Variants in GRK5 observed in about 807,000 individuals in gnomAD.
GRK5 encodes the protein G protein-coupled receptor kinase 5.
GRK5 carries 40 observed loss-of-function variants against 78.4 expected under a neutral mutation model. The ratio of observed to expected loss-of-function variants is 0.51; its 90% CI spans 0.40 to 0.66. GRK5 has a LOEUF of 0.66. Among genes scored for constraint, GRK5 ranks in the 30% least tolerant of loss-of-function variants. The pLI, the probability that GRK5 is intolerant of heterozygous loss-of-function variation, is 0.00. For missense variants in GRK5, 598 were observed against 759.9 expected (o/e 0.79, Z 2.50); for synonymous variants, 289 against 296.8 (o/e 0.97, Z 0.27).
chr10:119,257,059 G>A (rs1291216485), intron 1 of GRK5, among the ~76,000 whole-genome samples: 1 of 152,252 alleles, frequency 6.6e-6, no homozygotes, highest in African/African-American at 2.4e-5. Flanking sequence ...GCCTGCATCA[G>A]TGATTCATTA....
chr10:119,305,908 G>T (rs558096442), intron 1 of GRK5, among the ~76,000 whole-genome samples: 1 of 152,158 alleles, frequency 6.6e-6, no homozygotes, highest in Non-Finnish European at 1.5e-5. Context: ...ATATGCAAAG[G>T]CCCTGAGGCA....
chr10:119,262,378 G>T (rs1849425705), intron 1 of GRK5, among the ~76,000 whole-genome samples: 1 of 110,160 alleles, frequency 9.1e-6, no homozygotes, highest in South Asian at 3.3e-4. Context: ...TCCCTCTGTT[G>T]CCCAGGCTGG....
At chr10:119,387,437 G>A (rs1851819592) in intron 3 of GRK5, among the ~76,000 whole-genome samples, 1 of 152,200 alleles carries the variant, frequency 6.6e-6, no homozygotes, top group Non-Finnish European at 1.5e-5. Flanking sequence ...GGGGAGTTTG[G>A]CCTTTGGTGT....
chr10:119,212,002 T>C (rs1848495325), intron 1 of GRK5, among the ~76,000 whole-genome samples: 1 of 152,198 alleles, frequency 6.6e-6, no homozygotes, highest in Non-Finnish European at 1.5e-5. Context: ...TGTGAAGGCA[T>C]ACGTGGAGGC....
chr10:119,290,462 A>G (rs1589724576), intron 1 of GRK5, among the ~76,000 whole-genome samples: 1 of 151,822 alleles, frequency 6.6e-6, no homozygotes, highest in Admixed American at 6.6e-5. Context: ...GACTTTTGCA[A>G]TAGCCCCTAA....
chr10:119,425,587 A>G (rs1852662677), intron 6 of GRK5, among the ~76,000 whole-genome samples: 1 of 152,234 alleles, frequency 6.6e-6, no homozygotes, highest in Non-Finnish European at 1.5e-5. Flanking sequence ...TTAAACCGTG[A>G]GTGCTGTTAA....
chr10:119,260,891 A>G (rs2133653069), intron 1 of GRK5, among the ~76,000 whole-genome samples: 1 of 152,190 alleles, frequency 6.6e-6, no homozygotes, highest in South Asian at 2.1e-4. Context: ...CGCCATTGTC[A>G]TCATGGCCCG....
rs564818093 is a variant in GRK5 at position 119,417,106 on chromosome 10, C to A, written c.340-6060C>A. The stretch of plus-strand genomic sequence containing the variant: ...CTGCTTCATGGGCCTTGGCTGAATG[C>A]GTGGAGGCAGAACTGGGGTTGGGCT... On this transcript the variant is annotated intron_variant, in intron 4 of 15. Coordinates refer to ENST00000392870, the MANE Select transcript of GRK5 (RefSeq NM_005308.3). 1.3e-4 allele frequency among the ~76,000 whole-genome samples: 20 copies of A among 152,338 alleles called. 1 individual carries two copies. The East Asian group carries it at 3.9e-3, about 29-fold the overall frequency.
At chr10:119,258,844 C>T (rs1187607411) in intron 1 of GRK5, among the ~76,000 whole-genome samples, 1 of 152,136 alleles carries the variant, frequency 6.6e-6, no homozygotes, top group Non-Finnish European at 1.5e-5. Flanking sequence ...AGAATCCATC[C>T]CCTGTCAGTT....
chr10:119,283,251 CA>C (rs1333754989), intron 1 of GRK5, among the ~76,000 whole-genome samples: 1 of 152,006 alleles, frequency 6.6e-6, no homozygotes, highest in Non-Finnish European at 1.5e-5. Flanking sequence ...AATATTAATT[CA>C]TAGTGTGCTC....
At chr10:119,233,644 C>T (rs1848868181) in intron 1 of GRK5, among the ~76,000 whole-genome samples, 1 of 152,048 alleles carries the variant, frequency 6.6e-6, no homozygotes, top group Non-Finnish European at 1.5e-5. Flanking sequence ...GTCAAAGGAT[C>T]CTGACTCATT....
chr10:119,273,248 A>G (rs1849614688), intron 1 of GRK5, among the ~76,000 whole-genome samples: 2 of 151,950 alleles, frequency 1.3e-5, no homozygotes. Context: ...TGATTTTGAG[A>G]TGTGTCCACT....
chr10:119,376,561 C>CT (rs3064490), intron 2 of GRK5, among the ~76,000 whole-genome samples: 8,119 of 104,272 alleles, frequency 0.078, 453 homozygotes, highest in East Asian at 0.24. Context: ...TCCCTAATGC[C>CT]TTTTTTTTTT....
chr10:119,262,892 A>G (rs969643108), intron 1 of GRK5, among the ~76,000 whole-genome samples: 3 of 152,252 alleles, frequency 2.0e-5, no homozygotes, highest in African/African-American at 7.2e-5. Context: ...ACATGCATCT[A>G]AAAATTATTC....
Position 119,452,839 on chromosome 10 carries a change from G to T in GRK5, c.1542+31G>T, listed in dbSNP as rs1199598164. 5 of 1,601,336 alleles carry T rather than the reference G, an allele frequency of 3.1e-6. No individual in the cohort carries two copies. In the South Asian group the frequency reaches 3.3e-5, roughly 11 times the overall value. ...CAGGGCAGACCACTTGCTTTGGTCT[G>T]GGTGGGAGGGAGGGACTGACGGGTG... On this transcript the variant is annotated intron_variant, in intron 14 of 15. Coordinates refer to ENST00000392870, the MANE Select transcript of GRK5 (RefSeq NM_005308.3). This position sits in a 1 kb window ranked among gnomAD's most constrained non-coding sequence, Gnocchi z 4.4.
Position 119,430,429 on chromosome 10 carries a change from C to T in GRK5, c.588C>T (p.Gly196=), listed in dbSNP as rs1852792386. The change falls in exon 7 of 16, where the codon GGC becomes GGT. Residue 196 remains glycine, a synonymous_variant. Transcript: ENST00000392870. The surrounding 1 kb of genome is among the most constrained non-coding windows in gnomAD (Gnocchi z 4.5). ...AGTATCGAGTGCTAGGAAAAGGGGG[C>T]TTCGGGGAGGTGAGTGAACATTCAC... The part of the protein sequence containing the change: ...FRQYRVLGKG[G]FGEVCACQVR... The T allele has an allele frequency of 6.2e-7, 1 of 1,611,538 alleles. No homozygotes were observed. Among genetic ancestry groups the T allele is most frequent in the Middle Eastern group, 1.7e-4 (1 of 6,044 alleles).
At chr10:119,301,361 A>G (rs1208449854) in intron 1 of GRK5, among the ~76,000 whole-genome samples, 1 of 152,086 alleles carries the variant, frequency 6.6e-6, no homozygotes, top group Admixed American at 6.5e-5. Flanking sequence ...TTCACTCACC[A>G]TTGTCTTTGA....
At chr10:119,234,647 T>A (rs1848888876) in intron 1 of GRK5, among the ~76,000 whole-genome samples, 1 of 151,996 alleles carries the variant, frequency 6.6e-6, no homozygotes, top group South Asian at 2.1e-4. Flanking sequence ...TTTCTATTCT[T>A]TTCTTTTCTC....
intron 11 of GRK5, 51 bp downstream of exon 11, chr10:119,442,139 C>T (rs1463519500): frequency 6.7e-7 from 1 of 1,483,298 alleles, no homozygotes; most frequent in Admixed American, 1.7e-5. Context: ...ACCACCTGCT[C>T]ACCGCCGGCC....
Sources: allele counts gnomAD v4.1 joint callset (sites outside exome capture counted in the v4.1 genomes callset), GRCh38; gene constraint gnomAD v4.1.1; non-coding constraint Gnocchi (gnomAD v3.1); transcripts MANE v1.5; gene names NCBI Gene and HGNC (gene_info 2026-07-23, HGNC 2026-07-21).